MMP16: variants seen among roughly 807,000 people sequenced by gnomAD.
The protein encoded by MMP16 is matrix metallopeptidase 16.
MMP16 carries 12 observed loss-of-function variants against 67.8 expected under a neutral mutation model. The ratio of observed to expected loss-of-function variants is 0.18; its 90% CI spans 0.11 to 0.29. The LOEUF (loss-of-function observed/expected upper bound fraction) is 0.29. Among genes scored for constraint, MMP16 ranks in the 10% least tolerant of loss-of-function variants. MMP16 has a pLI of 1.00. For missense variants in MMP16, 475 were observed against 765.7 expected (o/e 0.62, Z 4.48); for synonymous variants, 249 against 255.9 (o/e 0.97, Z 0.26).
intron 6 of MMP16, among the ~76,000 whole-genome samples, chr8:88,100,777 C>T (rs1182212554): frequency 7.2e-5 from 11 of 151,980 alleles, no homozygotes; most frequent in Non-Finnish European, 1.5e-4. Context: ...CACATATACA[C>T]CATGGAATAC....
At chr8:88,292,473 G>C (rs1810940741) in intron 1 of MMP16, among the ~76,000 whole-genome samples, 1 of 152,148 alleles carries the variant, frequency 6.6e-6, no homozygotes, top group South Asian at 2.1e-4. Flanking sequence ...CTCCTAGCTA[G>C]ACAGATCAAA....
chr8:88,043,309 G>A (rs1360701717), intron 9 of MMP16, among the ~76,000 whole-genome samples: 7 of 152,054 alleles, frequency 4.6e-5, no homozygotes, highest in African/African-American at 1.4e-4. Context: ...TTTAGATGGA[G>A]TTTCGCTCTT....
chr8:88,051,212 A>G (rs1429178110), intron 8 of MMP16, among the ~76,000 whole-genome samples: 1 of 152,150 alleles, frequency 6.6e-6, no homozygotes, highest in African/African-American at 2.4e-5. Flanking sequence ...TTTCCAACAT[A>G]TTTGAGCTTA....
intron 1 of MMP16, among the ~76,000 whole-genome samples, chr8:88,215,257 G>T (rs765014069): frequency 6.6e-5 from 10 of 152,010 alleles, no homozygotes; most frequent in Non-Finnish European, 1.3e-4. Context: ...TTGAACCCAG[G>T]AGGCGGAGGT....
At chr8:88,136,885 C>T (rs1203999633) in intron 4 of MMP16, among the ~76,000 whole-genome samples, 1 of 151,694 alleles carries the variant, frequency 6.6e-6, no homozygotes, top group Non-Finnish European at 1.5e-5. Flanking sequence ...CTCCCCACCC[C>T]CTACTAAAAT....
At chr8:88,184,231 TAA>T (rs977482742) in intron 3 of MMP16, among the ~76,000 whole-genome samples, 1 of 152,204 alleles carries the variant, frequency 6.6e-6, no homozygotes, top group Admixed American at 6.5e-5. Context: ...CTAAATTTCC[TAA>T]TTTTCCTCTA....
chr8:88,142,157 G>A (rs1485235509), intron 4 of MMP16, among the ~76,000 whole-genome samples: 2 of 151,652 alleles, frequency 1.3e-5, no homozygotes, highest in Admixed American at 6.6e-5. Flanking sequence ...CAATCCGCTC[G>A]CCTCAGTCTC....
At chr8:88,312,940 C>T (rs1205361729) in intron 1 of MMP16, among the ~76,000 whole-genome samples, 1 of 152,068 alleles carries the variant, frequency 6.6e-6, no homozygotes, top group Non-Finnish European at 1.5e-5. Context: ...AGCCATTGCA[C>T]TCCAGCCTGG....
chr8:88,322,312 A>G (rs1290725767), intron 1 of MMP16, among the ~76,000 whole-genome samples: 1 of 152,224 alleles, frequency 6.6e-6, no homozygotes, highest in African/African-American at 2.4e-5. Context: ...ACAAAATGTG[A>G]AAATCACATT....
At chr8:88,219,564 G>A (rs16879968) in intron 1 of MMP16, among the ~76,000 whole-genome samples, 25,496 of 151,986 alleles carry the variant, frequency 0.17, 3,097 homozygotes, top group East Asian at 0.52. Context: ...GTAGCCTGTT[G>A]GGATCAGTGT....
intron 7 of MMP16, among the ~76,000 whole-genome samples, chr8:88,065,332 T>C (rs1341083543): frequency 1.3e-5 from 2 of 152,084 alleles, no homozygotes; most frequent in African/African-American, 2.4e-5. Context: ...CAGGAAAATA[T>C]TGCAGCTTTA....
At chr8:88,248,683 A>G (rs2129918278) in intron 1 of MMP16, among the ~76,000 whole-genome samples, 1 of 152,062 alleles carries the variant, frequency 6.6e-6, no homozygotes, top group South Asian at 2.1e-4. Context: ...TCTGATCATC[A>G]GAATATTCCC....
At chr8:88,179,182 A>G (rs1808939851) in intron 3 of MMP16, among the ~76,000 whole-genome samples, 1 of 152,026 alleles carries the variant, frequency 6.6e-6, no homozygotes, top group Non-Finnish European at 1.5e-5. Context: ...CAAAAGACAA[A>G]AAGAAAACTC....
chr8:88,248,303 T>C (rs1810152478), intron 1 of MMP16, among the ~76,000 whole-genome samples: 1 of 152,114 alleles, frequency 6.6e-6, no homozygotes. Flanking sequence ...ACAAGAAGAC[T>C]GTACAACTGT....
At chr8:88,157,099 G>A (rs925938945) in intron 4 of MMP16, among the ~76,000 whole-genome samples, 8 of 152,060 alleles carry the variant, frequency 5.3e-5, no homozygotes, top group South Asian at 2.1e-4. Context: ...GGGCAGAAAT[G>A]GAACAGTTTA....
chr8:88,321,232 T>TGGAGAATA (rs2130087964), intron 1 of MMP16, among the ~76,000 whole-genome samples: 1 of 152,246 alleles, frequency 6.6e-6, no homozygotes, highest in South Asian at 2.1e-4. Flanking sequence ...AATGGGCAAA[T>TGGAGAATA]GGAGAATACA....
At chr8:88,217,112 A>G (rs923493826) in intron 1 of MMP16, among the ~76,000 whole-genome samples, 1 of 152,144 alleles carries the variant, frequency 6.6e-6, no homozygotes, top group East Asian at 1.9e-4. Flanking sequence ...TTCTTCAAGC[A>G]TTTACTGGCA....
intron 6 of MMP16, among the ~76,000 whole-genome samples, chr8:88,088,025 T>G (rs925633266): frequency 1.7e-5 from 2 of 115,510 alleles, no homozygotes; most frequent in Non-Finnish European, 1.7e-5. Flanking sequence ...GTATCTATAT[T>G]ATATATATAG....
At chr8:88,311,044 T>A (rs987756883) in intron 1 of MMP16, among the ~76,000 whole-genome samples, 1 of 152,138 alleles carries the variant, frequency 6.6e-6, no homozygotes, top group Non-Finnish European at 1.5e-5. Context: ...ATTAATAAAA[T>A]ACTGTGATTA....
Sources: gnomAD v4.1 joint callset for allele counts (sites outside exome capture counted in the v4.1 genomes callset) on GRCh38, gnomAD v4.1.1 for gene constraint, MANE v1.5 for transcripts, NCBI Gene and HGNC (gene_info 2026-07-23, HGNC 2026-07-21) for gene names.